The following MED12 variants were observed in gnomAD, a reference collection of about 807,000 sequenced individuals.
The protein encoded by MED12 is mediator of RNA polymerase II transcription subunit 12.
A neutral mutation model predicts 177.7 loss-of-function variants in MED12; 10 were observed. The ratio of observed to expected loss-of-function variants is 0.06; its 90% CI spans 0.03 to 0.10. MED12 has a LOEUF of 0.10. Ranked by LOEUF, MED12 falls within the 10% of genes least tolerant of loss-of-function variation. The probability of loss-of-function intolerance (pLI) is 1.00; values close to 1 mark genes in which losing one functional copy is unlikely to be tolerated. For missense variants in MED12, 867 were observed against 1,780.8 expected (o/e 0.49, Z 9.23); for synonymous variants, 641 against 678.4 (o/e 0.94, Z 0.86).
intron 30 of MED12, 21 bp downstream of exon 30, chrX:71,132,227 G>A (rs1269154602): frequency 8.3e-7 from 1 of 1,206,839 alleles, no homozygotes; most frequent in South Asian, 1.8e-5. Flanking sequence ...AACATGTTAG[G>A]ACCCATCCCC....
At chrX:71,123,850 A>T in intron 12 of MED12, 130 bp downstream of exon 12, 1 of 712,652 alleles carries the variant, frequency 1.4e-6, no homozygotes, top group Non-Finnish European at 2.1e-6. Flanking sequence ...TGACTTTTAG[A>T]TGTAGTTCTA....
intron 10 of MED12, 27 bp downstream of exon 10, chrX:71,122,901 C>CA (rs760287826): frequency 8.7e-5 from 105 of 1,202,270 alleles, no homozygotes; most frequent in Non-Finnish European, 1.1e-4. Flanking sequence ...ATAGAAGGAG[C>CA]AAAAAACATT....
intron 33 of MED12, among the ~76,000 whole-genome samples, chrX:71,134,132 G>A (rs1186891699): frequency 9.2e-6 from 1 of 108,389 alleles, no homozygotes; most frequent in Non-Finnish European, 1.9e-5. Context: ...TCGGGAGGCT[G>A]AGGCAGGAGA....
In MED12 at chrX:71,119,729, G is replaced by A; in HGVS notation, c.248G>A (p.Cys83Tyr). 1 of 1,211,315 alleles carries A rather than the reference G, an allele frequency of 8.3e-7. No individual in the cohort carries two copies. The highest frequency in any genetic ancestry group is 1.1e-6 in the Non-Finnish European group (1 of 895,291). ...FSSIIAEKLR[C>Y]NTLPDTGRRK... ...AGCATTATTGCAGAGAAATTACGTT[G>A]TAATACCCTTCCTGACACTGGTCGC... Residue 83 changes from cysteine (C) to tyrosine (Y), a missense_variant, in exon 3 of 45, where the codon TGT (cysteine) becomes TAT (tyrosine). By Grantham distance (194) the Cys-to-Tyr change is radical. Transcript: ENST00000374080.
intron 31 of MED12, 144 bp downstream of exon 31, chrX:71,132,682 C>G (rs1029895666): frequency 1.1e-5 from 10 of 887,780 alleles, no homozygotes; most frequent in African/African-American, 2.0e-5. Context: ...GAGCAAGAGG[C>G]TAGATCTTAA....
intron 15 of MED12, 90 bp from the exon 16 acceptor site, chrX:71,125,261 T>C (rs1271945001): frequency 8.4e-7 from 1 of 1,194,844 alleles, no homozygotes; most frequent in Non-Finnish European, 1.1e-6. Context: ...GGAAGGGCTT[T>C]AGCATGTGGA....
chrX:71,137,820 A>G lies in MED12; in HGVS notation c.5921A>G (p.Gln1974Arg). 1 of 1,211,531 alleles carries G rather than the reference A, an allele frequency of 8.3e-7. No individual in the cohort carries two copies. The highest frequency in any genetic ancestry group is 1.8e-5 in the South Asian group (1 of 56,991). The change falls in exon 41 of 45, where the codon CAG becomes CGG. Residue 1974 changes from glutamine to arginine, a missense_variant. Transcript: ENST00000374080. The stretch of plus-strand genomic sequence containing the variant: ...CCCAGCTACTCCAGCCAGCCTTACC[A>G]GAGCACCCACCCTTCTACCAATCCT... ...VPPSYSSQPY[Q>R]STHPSTNPTL... is the part of the protein sequence containing the mutation.
rs369776103 is a variant in MED12, at chrX:71,132,558, G to A, written c.4415+20G>A. 5.7e-5 allele frequency: 67 copies of A among 1,166,496 alleles called. No homozygotes were observed. The highest frequency in any genetic ancestry group is 7.7e-5 in the Non-Finnish European group (67 of 872,241). On this transcript the variant is annotated intron_variant, in intron 31 of 44. Coordinates refer to ENST00000374080, the MANE Select transcript of MED12 (RefSeq NM_005120.3). ...GAAGAGGTAAAGGGGCTTAGGGAGT[G>A]GACCAAGATTGAGGGGTAGAAAGGA...
chrX:71,126,629 C>T (rs1260901325), intron 19 of MED12, 145 bp downstream of exon 19: 38 of 778,218 alleles, frequency 4.9e-5, no homozygotes, highest in Non-Finnish European at 6.7e-5. Context: ...GGGAGTGGAA[C>T]ATGAGCTAAG....
intron 13 of MED12, 44 bp from the exon 14 acceptor site, chrX:71,124,720 C>A: frequency 9.3e-7 from 1 of 1,079,411 alleles, no homozygotes; most frequent in Non-Finnish European, 1.3e-6. Flanking sequence ...GTGGGAGCCA[C>A]TCCCTAGGGC....
chrX:71,125,811 C>A, intron 17 of MED12, 98 bp downstream of exon 17: 1 of 797,966 alleles, frequency 1.3e-6, no homozygotes, highest in Non-Finnish European at 1.9e-6. Flanking sequence ...TCCACATAGT[C>A]TGTGGTCCTC....
In MED12 at chrX:71,138,385, G is replaced by A. The variant is rs2092337959; in HGVS notation, c.6044+442G>A. Among the ~76,000 whole-genome samples the A allele has an allele frequency of 2.7e-5, 3 of 110,103 alleles. No individual in the cohort carries two copies. The South Asian group carries it at 1.1e-3, about 42-fold the overall frequency. ...CCATTTGCCCAGGCTGGAGTGTCGT[G>A]GCATGATCATGGCTCACTGCAGCCT... is the stretch of plus-strand genomic sequence containing the variant. On this transcript the variant is annotated intron_variant, in intron 41 of 44. Coordinates refer to ENST00000374080, the MANE Select transcript of MED12 (RefSeq NM_005120.3).
At chrX:71,131,155 T>C (rs1335688910) in intron 28 of MED12, among the ~76,000 whole-genome samples, 2 of 89,444 alleles carry the variant, frequency 2.2e-5, no homozygotes, top group South Asian at 1.1e-3. Flanking sequence ...TGAGACGGAG[T>C]CTCGCTCTTG....
At chrX:71,122,377 G>C in intron 8 of MED12, 31 bp downstream of exon 8, 1 of 1,208,955 alleles carries the variant, frequency 8.3e-7, no homozygotes, top group Non-Finnish European at 1.1e-6. Flanking sequence ...GGTACTCTCA[G>C]ATTGGGCTAT....
intron 32 of MED12, 35 bp from the exon 33 acceptor site, chrX:71,133,088 C>A: frequency 9.3e-7 from 1 of 1,077,251 alleles, no homozygotes; most frequent in South Asian, 1.9e-5. Flanking sequence ...ACACGAAGAT[C>A]CCTGAGCTGC....
Position 71,131,593 on chromosome X carries a change from A to G in MED12, c.4091A>G (p.Gln1364Arg). Residue 1364 changes from glutamine to arginine, a missense_variant, in exon 29 of 45, where the codon CAG (glutamine) becomes CGG (arginine). Gln to Arg is a conservative substitution (Grantham distance 43, BLOSUM62 1). This residue lies in a region of MED12 where 46 missense variants were observed against 71.7 expected (regional missense o/e 0.64). Transcript: ENST00000374080. ...WTMRQSSLELQLMIKQTPNNE... is the reference protein window; with the variant it reads ...WTMRQSSLELRLMIKQTPNNE... ...ATGCGCCAGTCTTCCTTGGAGCTGC[A>G]GCTCATGATCAAGCAGACCCCTAAC... is the stretch of plus-strand genomic sequence containing the variant. 1.7e-6 allele frequency: 2 copies of G among 1,211,060 alleles called. No individual in the cohort carries two copies. The highest frequency in any genetic ancestry group is 2.2e-6 in the Non-Finnish European group (2 of 895,293).
At chrX:71,121,212 G>T in intron 5 of MED12, 60 bp downstream of exon 5, 3 of 1,199,061 alleles carry the variant, frequency 2.5e-6, no homozygotes, top group Non-Finnish European at 3.4e-6. Context: ...TACTCTGCCA[G>T]TAGAGAACAG....
chrX:71,142,286 T>C lies in MED12; in HGVS notation c.*68T>C. 9.1e-7 allele frequency: 1 copy of C among 1,101,395 alleles called. No individual in the cohort carries two copies. The highest frequency in any genetic ancestry group is 1.3e-6 in the Non-Finnish European group (1 of 794,961). The allele number at this position is 1,101,395 out of a possible 1,213,427, so 90.8% of individuals were successfully genotyped here. On this transcript the variant is annotated 3_prime_UTR_variant, in exon 45 of 45. Transcript: ENST00000374080. ...CTTTCCTCTTAATTCCCAATCCCATTCCTGGGCTAGCACCAGTAGTGGTTG... is the reference window on the plus strand; with the variant it reads ...CTTTCCTCTTAATTCCCAATCCCATCCCTGGGCTAGCACCAGTAGTGGTTG...
intron 11 of MED12, 89 bp downstream of exon 11, chrX:71,123,315 C>A: frequency 4.5e-6 from 5 of 1,117,582 alleles, no homozygotes; most frequent in Non-Finnish European, 6.1e-6. Flanking sequence ...GGTGGAGGGA[C>A]CAGAGTTGAA....
Sources: gnomAD v4.1 joint callset for allele counts (sites outside exome capture counted in the v4.1 genomes callset) on GRCh38, gnomAD v4.1.1 for gene constraint, gnomAD v4.1.1 regional missense constraint, MANE v1.5 for transcripts, NCBI Gene and HGNC (gene_info 2026-07-23, HGNC 2026-07-21) for gene names.